Variants in FOCAD observed in about 807,000 individuals in gnomAD.
FOCAD encodes the protein focadhesin.
In FOCAD, 198 loss-of-function variants were observed where a neutral mutation model predicts 225.6. The ratio of observed to expected loss-of-function variants is 0.88; its 90% confidence interval spans 0.78 to 0.99. The LOEUF (loss-of-function observed/expected upper bound fraction) is 0.99, where lower values mean the gene tolerates loss of function less well. FOCAD is among the 50% of genes least tolerant of loss of function. The probability of loss-of-function intolerance (pLI) is 0.00; values close to 1 mark genes in which losing one functional copy is unlikely to be tolerated. For missense variants in FOCAD, 2,713 were observed against 2,123.6 expected, an observed-to-expected ratio of 1.28 and a Z score of -5.46; for synonymous variants, 897 against 755.0, an observed-to-expected ratio of 1.19 and a Z score of -3.08.
chr9:20,660,031 T>A (rs1290029261), intron 2 of FOCAD, among the ~76,000 whole-genome samples: 2 of 152,154 alleles, frequency 1.3e-5, no homozygotes, highest in African/African-American at 4.8e-5. Context: ...AGGAAGATAA[T>A]TCAGTTTTGT....
chr9:20,706,836 C>G (rs756472014), intron 1 of FOCAD, among the ~76,000 whole-genome samples: 1 of 152,194 alleles, frequency 6.6e-6, no homozygotes, highest in Admixed American at 6.5e-5. Context: ...GTGCAGCAAG[C>G]TATCATTTAG....
At chr9:20,801,091 G>C (rs780993769) in intron 11 of FOCAD, among the ~76,000 whole-genome samples, 1 of 152,094 alleles carries the variant, frequency 6.6e-6, no homozygotes, top group African/African-American at 2.4e-5. Context: ...CTTCAGGTGC[G>C]TTGGAGTTTG....
chr9:20,965,780 T>C (rs1002270039), intron 35 of FOCAD, among the ~76,000 whole-genome samples: 2 of 152,208 alleles, frequency 1.3e-5, no homozygotes, highest in Non-Finnish European at 2.9e-5. Flanking sequence ...AATGGAACCA[T>C]ACAATATGTG....
At chr9:20,916,601 A>G (rs1324767242) in intron 23 of FOCAD, among the ~76,000 whole-genome samples, 1 of 152,190 alleles carries the variant, frequency 6.6e-6, no homozygotes, top group African/African-American at 2.4e-5. Flanking sequence ...GGACACTTGT[A>G]TACTCACCAC....
At chr9:20,756,070 T>C (rs1162511762) in intron 5 of FOCAD, among the ~76,000 whole-genome samples, 1 of 152,186 alleles carries the variant, frequency 6.6e-6, no homozygotes, top group East Asian at 1.9e-4. Context: ...TCTTAGTATT[T>C]GTGGCAACCA....
Position 20,985,362 on chromosome 9 carries a change from A to G in FOCAD, c.4729-926A>G, listed in dbSNP as rs897573846. 7.9e-5 allele frequency among the ~76,000 whole-genome samples: 12 copies of G among 152,334 alleles called. No individual in the cohort carries two copies. The East Asian group carries it at 2.3e-3, about 29-fold the overall frequency. ...CAATCTCATCAGAAAAGCTTTTTACATATTGGGAAGCTGCCAGGCTCATAG... is the reference window on the plus strand; with the variant it reads ...CAATCTCATCAGAAAAGCTTTTTACGTATTGGGAAGCTGCCAGGCTCATAG... On this transcript the variant is annotated intron_variant, in intron 39 of 43. Coordinates refer to ENST00000338382, the MANE Select transcript of FOCAD (RefSeq NM_001375567.1).
At chr9:20,898,354 C>G (rs936351711) in intron 21 of FOCAD, among the ~76,000 whole-genome samples, 9 of 151,360 alleles carry the variant, frequency 5.9e-5, no homozygotes, top group African/African-American at 9.7e-5. Context: ...TCTGGAATTC[C>G]TATTATGTGT....
At chr9:20,987,192 T>TA (rs1841258715) in intron 40 of FOCAD, among the ~76,000 whole-genome samples, 1 of 152,180 alleles carries the variant, frequency 6.6e-6, no homozygotes, top group Admixed American at 6.5e-5. Flanking sequence ...CTTGTATTGT[T>TA]ATGATTTTTA....
chr9:20,778,114 G>C (rs1286041420), intron 8 of FOCAD, among the ~76,000 whole-genome samples: 1 of 100,312 alleles, frequency 1.0e-5, no homozygotes, highest in Non-Finnish European at 2.2e-5. Context: ...AAAAAAAAAA[G>C]ATTGACTGTT....
At position 20,986,420 on chromosome 9, in the gene FOCAD, C is replaced by T; in HGVS notation, c.4861C>T (p.Leu1621=). 1 of 1,613,220 alleles carries T rather than the reference C, an allele frequency of 6.2e-7. No individual in the cohort carries two copies. The highest frequency in any genetic ancestry group is 8.5e-7 in the Non-Finnish European group (1 of 1,179,780). The change falls in exon 40 of 44, where the codon CTG becomes TTG. Residue 1621 remains leucine, a synonymous_variant. Coordinates refer to ENST00000338382, the MANE Select transcript of FOCAD (RefSeq NM_001375567.1). ...REKEVLAWMI[L]HSLYQARIVS... ...GAAAGAGGTGTTGGCCTGGATGATT[C>T]TGCACAGCTTATACCAGGCACGGAT...
At chr9:20,922,758 A>C (rs1212656650) in intron 24 of FOCAD, among the ~76,000 whole-genome samples, 1 of 152,236 alleles carries the variant, frequency 6.6e-6, no homozygotes, top group Non-Finnish European at 1.5e-5. Flanking sequence ...CAAAGGACTG[A>C]GGACTAAACG....
chr9:20,876,786 G>A (rs1308819349), intron 19 of FOCAD, among the ~76,000 whole-genome samples: 1 of 152,086 alleles, frequency 6.6e-6, no homozygotes, highest in African/African-American at 2.4e-5. Context: ...AAATGCACAG[G>A]ATGAATGATA....
In FOCAD at chr9:20,986,362, C is replaced by T. The variant is rs747603255; in HGVS notation, c.4803C>T (p.Thr1601=). The T allele has an allele frequency of 2.5e-6, 4 of 1,595,844 alleles. No individual in the cohort carries two copies. The highest frequency in any genetic ancestry group is 2.2e-5 in the South Asian group (2 of 90,776). ...GACGATTCCCCTTGGTGAACCTGAC[C>T]GATATGCTGAGCGTTGCTGTGCAGC... ...SQGRFPLVNL[T]DMLSVAVQHR... The change falls in exon 40 of 44, where the codon ACC becomes ACT. Residue 1601 remains threonine, a synonymous_variant. Transcript: ENST00000338382.
chr9:20,870,931 G>C (rs906056740), intron 18 of FOCAD, among the ~76,000 whole-genome samples: 3 of 152,086 alleles, frequency 2.0e-5, no homozygotes, highest in African/African-American at 7.2e-5. Flanking sequence ...AGCTGAGTGT[G>C]GTGGCTTACA....
At chr9:20,732,299 G>C (rs1826780511) in intron 4 of FOCAD, among the ~76,000 whole-genome samples, 1 of 152,190 alleles carries the variant, frequency 6.6e-6, no homozygotes, top group South Asian at 2.1e-4. Flanking sequence ...AGTCATGGTG[G>C]TAAAAGCAGG....
At chr9:20,706,095 C>T (rs925534599) in intron 1 of FOCAD, among the ~76,000 whole-genome samples, 13 of 151,722 alleles carry the variant, frequency 8.6e-5, no homozygotes, top group South Asian at 6.2e-4. Context: ...CCACCATACC[C>T]GGCTAATTTT....
At chr9:20,818,805 T>G (rs1014690970) in intron 11 of FOCAD, among the ~76,000 whole-genome samples, 4 of 152,138 alleles carry the variant, frequency 2.6e-5, no homozygotes, top group Non-Finnish European at 5.9e-5. Context: ...GAAGTTTGAG[T>G]CTTCAAACTT....
At chr9:20,840,859 G>A (rs867581627) in intron 15 of FOCAD, among the ~76,000 whole-genome samples, 17 of 151,864 alleles carry the variant, frequency 1.1e-4, no homozygotes, top group Non-Finnish European at 2.2e-4. Context: ...CTGTGGGTCT[G>A]TCTTACGTGG....
rs117003516 is a variant in FOCAD, at chr9:20,954,735, A to G, written c.4132+1670A>G. On this transcript the variant is annotated intron_variant, in intron 35 of 43. Coordinates refer to ENST00000338382, the MANE Select transcript of FOCAD (RefSeq NM_001375567.1). Reference sequence around the variant, plus strand: ...AAGTATTAAGAATGCCATATTACCAATCAGATTTTTGGCATTTTCAGGTTG... The same window carrying G: ...AAGTATTAAGAATGCCATATTACCAGTCAGATTTTTGGCATTTTCAGGTTG... Among the ~76,000 whole-genome samples the G allele has an allele frequency of 4.2e-3, 647 of 152,334 alleles. 4 individuals carry two copies. Among genetic ancestry groups the G allele is most frequent in the Non-Finnish European group, 7.2e-3 (487 of 68,024 alleles).
Sources: allele counts gnomAD v4.1 joint callset (sites outside exome capture counted in the v4.1 genomes callset), GRCh38; gene constraint gnomAD v4.1.1; transcripts MANE v1.5; gene names NCBI Gene and HGNC (gene_info 2026-07-23, HGNC 2026-07-21).